The following TGFA variants were observed in gnomAD, a reference collection of about 807,000 sequenced individuals.
The protein encoded by TGFA is protransforming growth factor alpha.
In TGFA, 12 loss-of-function variants were observed where a neutral mutation model predicts 21.7. The observed-to-expected ratio is 0.55, with a 90% confidence interval of 0.35 to 0.90. TGFA has a LOEUF of 0.90. Among genes scored for constraint, TGFA ranks in the 40% least tolerant of loss-of-function variants. TGFA has a pLI of 0.01. For synonymous variants in TGFA, 79 were observed against 88.1 expected (o/e 0.90, Z 0.58); for missense variants, 178 against 210.8 (o/e 0.84, Z 0.96).
chr2:70,500,589 T>C (rs1671708918), intron 2 of TGFA, among the ~76,000 whole-genome samples: 1 of 152,216 alleles, frequency 6.6e-6, no homozygotes, highest in South Asian at 2.1e-4. Context: ...ACCAACACTC[T>C]ACCAAGGTTG....
At chr2:70,521,740 G>A (rs377525777) in intron 1 of TGFA, among the ~76,000 whole-genome samples, 6 of 145,504 alleles carry the variant, frequency 4.1e-5, no homozygotes, top group East Asian at 4.5e-4. Flanking sequence ...TCCGCCTCCC[G>A]AGTAGCTGGG....
intron 1 of TGFA, among the ~76,000 whole-genome samples, chr2:70,536,286 G>A (rs1672966480): frequency 6.6e-6 from 1 of 152,134 alleles, no homozygotes; most frequent in African/African-American, 2.4e-5. Flanking sequence ...GAGAAATAGA[G>A]GAATCCACTA....
rs1200467400 is a variant in TGFA at position 70,449,915 on chromosome 2, C to T, written c.*944G>A. ...ATCCTGTGTAGACACACACACTCTT[C>T]CTCTCTCCCCAACAGAGGGGACAGA... is the stretch of plus-strand genomic sequence containing the variant. On this transcript the variant is annotated 3_prime_UTR_variant, in exon 6 of 6. Transcript: ENST00000295400. 1 of 152,546 alleles carries T rather than the reference C, an allele frequency of 6.6e-6. No homozygotes were observed. Among genetic ancestry groups the T allele is most frequent in the Non-Finnish European group, 1.5e-5 (1 of 68,302 alleles). 9.4% of individuals were successfully genotyped at this position (152,546 alleles called of 1,614,324 possible).
In TGFA at chr2:70,450,907, C is replaced by A. The variant is rs202231014; in HGVS notation, c.476-41G>T. On this transcript the variant is annotated intron_variant, in intron 5 of 5. Transcript: ENST00000295400. ...AACAGGTTAAGCACTGTGGGCCACA[C>A]CCTGGCCACGTTGGGAAAATAAGCT... The A allele has an allele frequency of 3.1e-5, 50 of 1,598,496 alleles. No individual in the cohort carries two copies. In the East Asian group the frequency reaches 9.6e-4, roughly 31 times the overall value.
rs998595446 is a variant in TGFA at position 70,449,151 on chromosome 2, A to C, written c.*1708T>G. 8 of 152,170 alleles carry C rather than the reference A, an allele frequency of 5.3e-5. No homozygotes were observed. The highest frequency in any genetic ancestry group is 1.9e-4 in the African/African-American group (8 of 41,436). 9.4% of individuals were successfully genotyped at this position (152,170 alleles called of 1,614,324 possible). ...TGGCATTGTTAAATAAGAGTGCCAA[A>C]AATGAAGACACGGGTCATAGAATTG... On this transcript the variant is annotated 3_prime_UTR_variant, in exon 6 of 6. Coordinates refer to ENST00000295400, the MANE Select transcript of TGFA (RefSeq NM_003236.4).
At chr2:70,511,803 CA>C (rs1293807650) in intron 2 of TGFA, among the ~76,000 whole-genome samples, 3 of 152,004 alleles carry the variant, frequency 2.0e-5, no homozygotes, top group Non-Finnish European at 2.9e-5. Context: ...GATGGGTATA[CA>C]GGAACTGATT....
chr2:70,519,240 C>T (rs534206212), intron 1 of TGFA, among the ~76,000 whole-genome samples: 87 of 152,078 alleles, frequency 5.7e-4, no homozygotes, highest in Non-Finnish European at 7.8e-4. Context: ...GGTACGTAGA[C>T]GGTGGGAATC....
intron 1 of TGFA, among the ~76,000 whole-genome samples, chr2:70,521,608 TG>T (rs1559133451): frequency 1.3e-4 from 13 of 101,204 alleles, no homozygotes; most frequent in Admixed American, 5.5e-4. Context: ...TTTTTGTTGT[TG>T]TTTGTTTGTT....
chr2:70,514,150 TAAGAG>T (rs1474285632), intron 2 of TGFA, among the ~76,000 whole-genome samples: 2 of 152,204 alleles, frequency 1.3e-5, no homozygotes, highest in Non-Finnish European at 2.9e-5. Context: ...CATGACATTT[TAAGAG>T]AAGAGATTTC....
intron 2 of TGFA, among the ~76,000 whole-genome samples, chr2:70,469,554 C>T (rs1670671654): frequency 6.6e-6 from 1 of 152,122 alleles, no homozygotes; most frequent in Admixed American, 6.5e-5. Flanking sequence ...CCAGGCTGGC[C>T]TCGAACTCCT....
At chr2:70,533,432 A>G (rs1268839931) in intron 1 of TGFA, among the ~76,000 whole-genome samples, 1 of 152,172 alleles carries the variant, frequency 6.6e-6, no homozygotes, top group African/African-American at 2.4e-5. Flanking sequence ...CCAGATGAAG[A>G]TCAAGGAAGC....
chr2:70,544,136 T>C (rs112396110), intron 1 of TGFA, among the ~76,000 whole-genome samples: 23 of 152,148 alleles, frequency 1.5e-4, no homozygotes, highest in African/African-American at 5.5e-4. Context: ...AGAATATATG[T>C]GTATATATAA....
In TGFA at chr2:70,504,483, T is replaced by TACAC. The variant is rs58997765; in HGVS notation, c.94+10372_94+10375dup. Among the ~76,000 whole-genome samples, 276 of 91,948 alleles carry TACAC rather than the reference T, an allele frequency of 3.0e-3. 5 individuals carry two copies. The highest frequency in any genetic ancestry group is 6.1e-3 in the Admixed American group (53 of 8,652). 60.3% of individuals were successfully genotyped at this position (91,948 alleles called of 152,430 possible). On this transcript the variant is annotated intron_variant, in intron 2 of 5. Coordinates refer to ENST00000295400, the MANE Select transcript of TGFA (RefSeq NM_003236.4). ...ATATATACACACATACATACATACATACACACACACACACACACACACACA... is the reference window on the plus strand; with the variant it reads ...ATATATACACACATACATACATACATACACACACACACACACACACACACACACA...
At chr2:70,474,175 A>G (rs1017819120) in intron 2 of TGFA, among the ~76,000 whole-genome samples, 3 of 152,138 alleles carry the variant, frequency 2.0e-5, no homozygotes, top group Non-Finnish European at 4.4e-5. Context: ...ATATTATCTC[A>G]CCAAACATCA....
intron 1 of TGFA, among the ~76,000 whole-genome samples, chr2:70,552,574 A>G: frequency 6.6e-6 from 1 of 152,150 alleles, no homozygotes; most frequent in Non-Finnish European, 1.5e-5. Flanking sequence ...TCCGGTTCCA[A>G]GACTGCCTTG....
chr2:70,454,672 G>A (rs1407690889), intron 4 of TGFA, among the ~76,000 whole-genome samples: 13 of 152,218 alleles, frequency 8.5e-5, no homozygotes, highest in Non-Finnish European at 1.5e-5. Context: ...AACTCAGGAG[G>A]GCCCTAAGCC....
intron 3 of TGFA, 113 bp from the exon 4 acceptor site, chr2:70,456,601 G>A: frequency 7.5e-7 from 1 of 1,326,920 alleles, no homozygotes; most frequent in Non-Finnish European, 1.0e-6. Context: ...AGCCCAAAGG[G>A]GCCCTGCCAG....
chr2:70,510,948 C>T (rs577306111), intron 2 of TGFA, among the ~76,000 whole-genome samples: 3 of 152,014 alleles, frequency 2.0e-5, no homozygotes, highest in African/African-American at 7.2e-5. Context: ...TGAGACCAGC[C>T]TGGGCAACAT....
At chr2:70,513,777 C>T (rs782504747) in intron 2 of TGFA, among the ~76,000 whole-genome samples, 5 of 152,134 alleles carry the variant, frequency 3.3e-5, no homozygotes, top group Non-Finnish European at 7.4e-5. Context: ...CCGCCCCCTC[C>T]CACTGGAACC....
Sources: allele counts gnomAD v4.1 joint callset (sites outside exome capture counted in the v4.1 genomes callset), GRCh38; gene constraint gnomAD v4.1.1; transcripts MANE v1.5; gene names NCBI Gene and HGNC (gene_info 2026-07-23, HGNC 2026-07-21).